Variants in TMCO1 observed in about 807,000 individuals in gnomAD.
TMCO1 encodes the protein calcium load-activated calcium channel.
TMCO1 carries 29 observed loss-of-function variants against 29.3 expected under a neutral mutation model. The observed-to-expected ratio is 0.99, with a 90% CI of 0.74 to 1.35. TMCO1 has a LOEUF of 1.35. Among genes scored for constraint, TMCO1 ranks in the 40% most tolerant of loss-of-function variants. TMCO1 has a pLI of 0.00. For missense variants in TMCO1, 173 were observed against 225.5 expected (o/e 0.77, Z 1.49); for synonymous variants, 80 against 77.1 (o/e 1.04, Z -0.20).
chr1:165,747,055 G>C (rs1306850677), intron 5 of TMCO1, among the ~76,000 whole-genome samples: 6 of 152,022 alleles, frequency 3.9e-5, no homozygotes, highest in Non-Finnish European at 8.8e-5. Context: ...GAGGTCAGGA[G>C]CTCAAGACTA....
Position 165,727,826 on chromosome 1 carries a change from A to C in TMCO1, c.*197T>G. 1 of 517,516 alleles carries C rather than the reference A, an allele frequency of 1.9e-6. No individual in the cohort carries two copies. The highest frequency in any genetic ancestry group is 4.8e-4 in the Middle Eastern group (1 of 2,104). 32.1% of individuals were successfully genotyped at this position (517,516 alleles called of 1,614,324 possible). A position where few individuals can be genotyped will look rare whatever the true frequency, so the allele number is the denominator to read the frequency against. On this transcript the variant is annotated 3_prime_UTR_variant, in exon 7 of 7. Coordinates refer to ENST00000367881, the MANE Select transcript of TMCO1 (RefSeq NM_019026.6). Reference sequence around the variant, plus strand: ...TAATCAATCCACTTATTTGATAAAAATCATCTAGGACCAAAAGCACTATCA... The same window carrying C: ...TAATCAATCCACTTATTTGATAAAACTCATCTAGGACCAAAAGCACTATCA...
At chr1:165,725,028 A>C (rs200506536), downstream of TMCO1, 1,696 of 104,718 alleles carry the variant, frequency 0.016, 8 homozygotes, top group African/African-American at 0.029. Flanking sequence ...CTCTCTCTAT[A>C]TATATATATA....
At chr1:165,764,075 G>A (rs1184377585) in intron 2 of TMCO1, among the ~76,000 whole-genome samples, 1 of 152,112 alleles carries the variant, frequency 6.6e-6, no homozygotes, top group Non-Finnish European at 1.5e-5. Flanking sequence ...AATATTTAAG[G>A]TATAAGAATA....
At chr1:165,768,326 C>G in intron 1 of TMCO1, 57 bp from the exon 2 acceptor site, 1 of 1,566,318 alleles carries the variant, frequency 6.4e-7, no homozygotes, top group South Asian at 1.1e-5. Flanking sequence ...TCACAACAAA[C>G]AAAGTGGTTA....
chr1:165,750,574 C>G (rs72699927), intron 5 of TMCO1, among the ~76,000 whole-genome samples: 1 of 150,290 alleles, frequency 6.7e-6, no homozygotes, highest in Non-Finnish European at 1.5e-5. Context: ...AAAAGTACAT[C>G]CATTCAATGG....
intron 2 of TMCO1, among the ~76,000 whole-genome samples, chr1:165,766,039 G>A (rs1369679129): frequency 2.6e-5 from 4 of 152,154 alleles, no homozygotes; most frequent in Non-Finnish European, 5.9e-5. Flanking sequence ...TCTGGATATC[G>A]GAAGCTTTCT....
chr1:165,730,340 A>AAAAAC (rs1431708856), intron 6 of TMCO1, among the ~76,000 whole-genome samples: 2 of 39,268 alleles, frequency 5.1e-5, no homozygotes, highest in Admixed American at 2.5e-4. Context: ...GTCTCAAAAC[A>AAAAAC]AAAACAAAAC....
At chr1:165,755,865 C>G (rs538019277) in intron 3 of TMCO1, among the ~76,000 whole-genome samples, 30 of 152,226 alleles carry the variant, frequency 2.0e-4, no homozygotes, top group Non-Finnish European at 4.0e-4. Context: ...AAACCATAGG[C>G]TCTCCCATGA....
intron 6 of TMCO1, among the ~76,000 whole-genome samples, chr1:165,742,272 T>C (rs901243896): frequency 6.7e-6 from 1 of 149,720 alleles, no homozygotes; most frequent in Non-Finnish European, 1.5e-5. Context: ...CCCCCCCTTT[T>C]CTTTTTTTGA....
intron 3 of TMCO1, among the ~76,000 whole-genome samples, chr1:165,758,656 T>A (rs996220893): frequency 1.3e-5 from 2 of 152,204 alleles, no homozygotes; most frequent in Admixed American, 6.5e-5. Context: ...CTATTTTCCC[T>A]CTCTAAATAG....
intron 6 of TMCO1, among the ~76,000 whole-genome samples, chr1:165,733,324 C>G (rs1056028506): frequency 2.0e-5 from 3 of 152,076 alleles, no homozygotes; most frequent in Non-Finnish European, 1.5e-5. Flanking sequence ...TGTTAATTAG[C>G]AAGATTTAGT....
intron 2 of TMCO1, among the ~76,000 whole-genome samples, chr1:165,766,825 A>C (rs1652588049): frequency 6.6e-6 from 1 of 152,162 alleles, no homozygotes; most frequent in South Asian, 2.1e-4. Flanking sequence ...AGCAAAACCG[A>C]AAGTATGGTG....
chr1:165,744,659 G>A (rs1320352445), intron 5 of TMCO1, among the ~76,000 whole-genome samples: 1 of 151,816 alleles, frequency 6.6e-6, no homozygotes, highest in Admixed American at 6.6e-5. Flanking sequence ...GCATGGTGGC[G>A]CATGCCTGTA....
Position 165,754,223 on chromosome 1 carries a change from C to G in TMCO1, c.255+5G>C, listed in dbSNP as rs767998832. 3.1e-6 allele frequency: 5 copies of G among 1,608,872 alleles called. No homozygotes were observed. The highest frequency in any genetic ancestry group is 3.4e-4 in the Middle Eastern group (2 of 5,938). On this transcript the variant is annotated splice_donor_5th_base_variant and intron_variant, in intron 4 of 6. Transcript: ENST00000367881. The stretch of plus-strand genomic sequence containing the variant: ...TAACCATGAAGTTATAGTTAGGTCT[C>G]TTACCATTGATAGATCTCTGTTGTT...
At chr1:165,725,098 AT>A (rs1558024537), downstream of TMCO1, 1 of 402,426 alleles carries the variant, frequency 2.5e-6, no homozygotes. Flanking sequence ...TCATTCTAAA[AT>A]TTTTTAAAAA....
rs190833577 is a variant in TMCO1, at chr1:165,737,833, C to T, written c.468+5334G>A. Among the ~76,000 whole-genome samples, 2 of 152,300 alleles carry T rather than the reference C, an allele frequency of 1.3e-5. 1 individual carries two copies. The highest frequency in any genetic ancestry group is 4.1e-4 in the South Asian group (2 of 4,824). ...AGAATTTGTCACCAGCAGACTTGCA[C>T]TATAAGAAGCACAAGAAAGAAAAAT... On this transcript the variant is annotated intron_variant, in intron 6 of 6. Transcript: ENST00000367881.
At chr1:165,742,308 G>C (rs1457858566) in intron 6 of TMCO1, among the ~76,000 whole-genome samples, 1 of 151,816 alleles carries the variant, frequency 6.6e-6, no homozygotes, top group Non-Finnish European at 1.5e-5. Flanking sequence ...TGCTGCCCAG[G>C]CTAAAGTCCA....
rs147399075 is a variant in TMCO1 at position 165,732,419 on chromosome 1, G to A, written c.469-4298C>T. 6.4e-4 allele frequency among the ~76,000 whole-genome samples: 91 copies of A among 142,104 alleles called. 4 individuals are homozygous for A. The East Asian group carries it at 0.016, about 24-fold the overall frequency. The allele number at this position is 142,104 out of a possible 152,430, so 93.2% of individuals were successfully genotyped here. On this transcript the variant is annotated intron_variant, in intron 6 of 6. Coordinates refer to ENST00000367881, the MANE Select transcript of TMCO1 (RefSeq NM_019026.6). ...AAAAAAAAAAAAGGAATAAAAAATC[G>A]TGTAACAGGCCTATTTTTTTAAAAA...
At chr1:165,759,398 G>T in intron 3 of TMCO1, 127 bp downstream of exon 3, 2 of 738,244 alleles carry the variant, frequency 2.7e-6, no homozygotes, top group Non-Finnish European at 4.6e-6. Context: ...AAGTATGCAT[G>T]TGCTTTATAA....
Sources: allele counts gnomAD v4.1 joint callset (sites outside exome capture counted in the v4.1 genomes callset), GRCh38; gene constraint gnomAD v4.1.1; transcripts MANE v1.5; gene names NCBI Gene and HGNC (gene_info 2026-07-23, HGNC 2026-07-21).